RIMBP2: variants seen among roughly 807,000 people sequenced by gnomAD.
RIMBP2 encodes the protein RIMS-binding protein 2.
In RIMBP2, 48 loss-of-function variants were observed where a neutral mutation model predicts 118.6. That is an observed-to-expected ratio of 0.40 (90% CI 0.32 to 0.51). The LOEUF is 0.51. RIMBP2 is among the 20% of genes least tolerant of loss of function. RIMBP2 has a pLI of 0.41. For synonymous variants in RIMBP2, 762 were observed against 742.9 expected (o/e 1.03, Z -0.42); for missense variants, 1,551 against 1,768.3 (o/e 0.88, Z 2.20).
intron 1 of RIMBP2, among the ~76,000 whole-genome samples, chr12:130,677,749 T>G (rs2064564140): frequency 6.6e-6 from 1 of 152,372 alleles, no homozygotes; most frequent in African/African-American, 2.4e-5. Context: ...ACTAGGCCTG[T>G]GTGTTTCCCT....
At chr12:130,635,412 T>C (rs1285047208) in intron 1 of RIMBP2, among the ~76,000 whole-genome samples, 2 of 152,196 alleles carry the variant, frequency 1.3e-5, no homozygotes, top group Non-Finnish European at 2.9e-5. Context: ...CCTTCCCATA[T>C]GTAGCAGTGA....
At chr12:130,438,335 A>ACCGGGGGGG in intron 12 of RIMBP2, 30 bp downstream of exon 12, 6 of 865,010 alleles carry the variant, frequency 6.9e-6, no homozygotes, top group Non-Finnish European at 9.6e-6. Context: ...GGCCTAACAA[A>ACCGGGGGGG]CCCTCCCCAC....
At chr12:130,665,316 A>G (rs1306406884) in intron 1 of RIMBP2, among the ~76,000 whole-genome samples, 3 of 151,656 alleles carry the variant, frequency 2.0e-5, no homozygotes, top group Middle Eastern at 6.8e-3. Flanking sequence ...CTTGAGCTCA[A>G]GAGTTCAAGA....
At chr12:130,517,236 A>G (rs2051565063) in intron 3 of RIMBP2, among the ~76,000 whole-genome samples, 1 of 152,126 alleles carries the variant, frequency 6.6e-6, no homozygotes, top group South Asian at 2.1e-4. Context: ...CTGAGCTGGT[A>G]TGTGAGCACA....
chr12:130,405,579 C>A (rs2075089247), intron 21 of RIMBP2, among the ~76,000 whole-genome samples: 1 of 150,442 alleles, frequency 6.6e-6, no homozygotes, highest in Non-Finnish European at 1.5e-5. Flanking sequence ...CATTCCCTCC[C>A]TTTGCCCCAG....
rs957045997 is a variant in RIMBP2 at position 130,475,372 on chromosome 12, G to A, written c.102+3540C>T. 2.0e-5 allele frequency among the ~76,000 whole-genome samples: 3 copies of A among 152,140 alleles called. No homozygotes were observed. Among genetic ancestry groups the A allele is most frequent in the African/African-American group, 7.2e-5 (3 of 41,412 alleles). The stretch of plus-strand genomic sequence containing the variant: ...GAATGTCCAGCACCCTCTCAAGGGT[G>A]GTCAGGTCTGGGGGTGAAGCTGATC... On this transcript the variant is annotated intron_variant, in intron 5 of 22. Transcript: ENST00000690449. This position sits in a 1 kb window ranked among gnomAD's most constrained non-coding sequence, Gnocchi z 4.1.
intron 2 of RIMBP2, among the ~76,000 whole-genome samples, chr12:130,584,492 A>ACATCACCACCATCACCT (rs1280671108): frequency 1.2e-4 from 14 of 118,086 alleles, no homozygotes; most frequent in Admixed American, 6.0e-4. Flanking sequence ...CACCACCATC[A>ACATCACCACCATCACCT]CATCACCACC....
At chr12:130,689,100 T>C (rs1230803588) in intron 1 of RIMBP2, among the ~76,000 whole-genome samples, 2 of 152,012 alleles carry the variant, frequency 1.3e-5, no homozygotes, top group African/African-American at 4.8e-5. Flanking sequence ...TCGAGACCAA[T>C]TTTCTCCCAC....
chr12:130,452,880 A>G (rs983855299), intron 7 of RIMBP2, among the ~76,000 whole-genome samples: 5 of 152,138 alleles, frequency 3.3e-5, no homozygotes, highest in African/African-American at 1.2e-4. Flanking sequence ...AATTTATCCA[A>G]ACCCAACTCT....
At chr12:130,539,551 G>A (rs535599516) in intron 2 of RIMBP2, among the ~76,000 whole-genome samples, 1 of 145,872 alleles carries the variant, frequency 6.9e-6, no homozygotes, top group Admixed American at 7.0e-5. Context: ...GTGGCCAGGT[G>A]TAGGATATGG....
rs570655045 is a variant in RIMBP2, at chr12:130,461,258, C to CG, written c.154-4559dup. On this transcript the variant is annotated intron_variant, in intron 6 of 22. Coordinates refer to ENST00000690449, the MANE Select transcript of RIMBP2 (RefSeq NM_001393629.1). ...TTCTTGCCAACTGCTCCTTACACCT[C>CG]GGGGGGTCCCGGAGTGGACTTGAGT... Among the ~76,000 whole-genome samples the CG allele has an allele frequency of 1.1e-4, 17 of 152,264 alleles. No homozygotes were observed. In the South Asian group the frequency reaches 3.5e-3, roughly 32 times the overall value.
At chr12:130,686,865 G>T (rs753889363) in intron 1 of RIMBP2, among the ~76,000 whole-genome samples, 1 of 152,200 alleles carries the variant, frequency 6.6e-6, no homozygotes, top group East Asian at 1.9e-4. Context: ...GGAAGAGGCC[G>T]CTACGAGCCC....
intron 1 of RIMBP2, among the ~76,000 whole-genome samples, chr12:130,641,467 G>A (rs951214775): frequency 6.7e-6 from 1 of 150,184 alleles, no homozygotes; most frequent in Non-Finnish European, 1.5e-5. Context: ...CCGGCATCAC[G>A]GGCTGGATTT....
Position 130,442,856 on chromosome 12 carries a change from C to G in RIMBP2, c.692-196G>C, listed in dbSNP as rs973441955. The stretch of plus-strand genomic sequence containing the variant: ...TCTAAAGAGCCAGCTCCTCCATCCC[C>G]GTGGCCCAGTCTTCTTTTCTCCATG... On this transcript the variant is annotated intron_variant, in intron 10 of 22. Transcript: ENST00000690449. This position sits in a 1 kb window ranked among gnomAD's most constrained non-coding sequence, Gnocchi z 6.9. 2.6e-5 allele frequency among the ~76,000 whole-genome samples: 4 copies of G among 152,214 alleles called. No individual in the cohort carries two copies. Among genetic ancestry groups the G allele is most frequent in the African/African-American group, 9.6e-5 (4 of 41,454 alleles).
intron 2 of RIMBP2, among the ~76,000 whole-genome samples, chr12:130,532,843 G>A (rs1342176693): frequency 4.9e-5 from 7 of 143,432 alleles, no homozygotes; most frequent in East Asian, 2.2e-4. Flanking sequence ...TGAGATGCGT[G>A]TGTTTAGCCT....
chr12:130,623,119 A>G lies in RIMBP2; in HGVS notation c.-217+5203T>C, dbSNP rs964207635. Among the ~76,000 whole-genome samples, 2 of 152,234 alleles carry G rather than the reference A, an allele frequency of 1.3e-5. No individual in the cohort carries two copies. The highest frequency in any genetic ancestry group is 2.9e-5 in the Non-Finnish European group (2 of 68,040). The stretch of plus-strand genomic sequence containing the variant: ...ACAAATACATATAAAACGAAGGTCA[A>G]CTGAATACTATTAAAGACTGAGGTA... On this transcript the variant is annotated intron_variant, in intron 2 of 22. Transcript: ENST00000690449. This position sits in a 1 kb window ranked among gnomAD's most constrained non-coding sequence, Gnocchi z 4.1.
rs1044112133 is a variant in RIMBP2 at position 130,710,446 on chromosome 12, GCACACACACACATA to G, written c.-352+5762_-352+5775del. 2.0e-5 allele frequency among the ~76,000 whole-genome samples: 3 copies of G among 151,756 alleles called. No homozygotes were observed. Among genetic ancestry groups the G allele is most frequent in the African/African-American group, 4.8e-5 (2 of 41,292 alleles). ...TGCACACACACACATACACGCAGGC[GCACACACACACATA>G]CACACACACACGTACACACACACAT... On this transcript the variant is annotated intron_variant, in intron 1 of 22. Coordinates refer to ENST00000690449, the MANE Select transcript of RIMBP2 (RefSeq NM_001393629.1). This position sits in a 1 kb window ranked among gnomAD's most constrained non-coding sequence, Gnocchi z 4.3.
intron 2 of RIMBP2, among the ~76,000 whole-genome samples, chr12:130,560,497 A>G (rs969211099): frequency 7.2e-5 from 11 of 152,088 alleles, no homozygotes; most frequent in Non-Finnish European, 7.4e-5. Flanking sequence ...GTCTCCAGAC[A>G]TTGTTCTCTG....
intron 4 of RIMBP2, among the ~76,000 whole-genome samples, chr12:130,486,525 G>C (rs562805366): frequency 4.9e-4 from 73 of 150,170 alleles, no homozygotes; most frequent in African/African-American, 1.5e-3. Context: ...ATGTACAGGA[G>C]GAAGCTCAAA....
Sources: allele counts gnomAD v4.1 joint callset (sites outside exome capture counted in the v4.1 genomes callset), GRCh38; gene constraint gnomAD v4.1.1; non-coding constraint Gnocchi (gnomAD v3.1); transcripts MANE v1.5; gene names NCBI Gene and HGNC (gene_info 2026-07-23, HGNC 2026-07-21).